WWOX: variants seen among roughly 807,000 people sequenced by gnomAD.
The protein encoded by WWOX is WW domain-containing oxidoreductase.
WWOX carries 69 observed loss-of-function variants against 46.2 expected under a neutral mutation model. That is an observed-to-expected ratio of 1.49 (90% CI 1.23 to 1.82). The LOEUF (loss-of-function observed/expected upper bound fraction) is 1.82. Among genes scored for constraint, WWOX ranks in the 40% most tolerant of loss-of-function variants. WWOX has a pLI of 0.00. For missense variants in WWOX, 919 were observed against 542.6 expected (o/e 1.69, Z -6.89); for synonymous variants, 359 against 202.6 (o/e 1.77, Z -6.56).
chr16:78,910,470 G>C (rs1319821855), intron 8 of WWOX, among the ~76,000 whole-genome samples: 2 of 150,946 alleles, frequency 1.3e-5, no homozygotes, highest in African/African-American at 4.9e-5. Context: ...AGAACAGTGT[G>C]GTGTTTCATG....
chr16:78,305,709 T>C (rs1256253270), intron 5 of WWOX, among the ~76,000 whole-genome samples: 1 of 152,060 alleles, frequency 6.6e-6, no homozygotes, highest in African/African-American at 2.4e-5. Context: ...CACCCACCAC[T>C]TGGGTACCAC....
At chr16:79,144,065 G>C (rs1350350513) in intron 8 of WWOX, among the ~76,000 whole-genome samples, 1 of 152,082 alleles carries the variant, frequency 6.6e-6, no homozygotes, top group East Asian at 1.9e-4. Context: ...ACCCAGCTAA[G>C]TTTATTATTT....
intron 8 of WWOX, among the ~76,000 whole-genome samples, chr16:78,847,258 T>A (rs1437523256): frequency 6.6e-6 from 1 of 152,200 alleles, no homozygotes; most frequent in African/African-American, 2.4e-5. Flanking sequence ...CTCAACAGAG[T>A]TTAGAAATAT....
chr16:78,824,513 C>T (rs918785861), intron 8 of WWOX, among the ~76,000 whole-genome samples: 9 of 152,152 alleles, frequency 5.9e-5, no homozygotes, highest in South Asian at 2.1e-4. Flanking sequence ...TTGTTTTTCA[C>T]GCTGCTGATA....
intron 8 of WWOX, among the ~76,000 whole-genome samples, chr16:78,655,343 T>G (rs2047056710): frequency 6.6e-6 from 1 of 152,184 alleles, no homozygotes; most frequent in Non-Finnish European, 1.5e-5. Flanking sequence ...TCTGAGAACT[T>G]GATATAATAA....
intron 8 of WWOX, among the ~76,000 whole-genome samples, chr16:78,711,033 C>T (rs1432679968): frequency 6.6e-6 from 1 of 152,132 alleles, no homozygotes; most frequent in Non-Finnish European, 1.5e-5. Flanking sequence ...ATTTCAGGAC[C>T]TAACCAACAC....
intron 8 of WWOX, among the ~76,000 whole-genome samples, chr16:79,104,464 GT>G (rs1162320954): frequency 6.6e-6 from 1 of 152,046 alleles, no homozygotes; most frequent in Admixed American, 6.6e-5. Flanking sequence ...TATCATATTT[GT>G]AAAACAAATA....
At chr16:79,134,003 G>A (rs539479141) in intron 8 of WWOX, among the ~76,000 whole-genome samples, 5 of 152,250 alleles carry the variant, frequency 3.3e-5, no homozygotes, top group South Asian at 2.1e-4. Flanking sequence ...ATCTCATGCT[G>A]GACTATCTAA....
At chr16:79,177,243 G>A (rs950274856) in intron 8 of WWOX, among the ~76,000 whole-genome samples, 3 of 152,162 alleles carry the variant, frequency 2.0e-5, no homozygotes, top group African/African-American at 4.8e-5. Flanking sequence ...CGCGAGTGCC[G>A]TTGTGGCCGA....
At chr16:78,569,284 A>G (rs12449050) in intron 8 of WWOX, among the ~76,000 whole-genome samples, 3,664 of 152,304 alleles carry the variant, frequency 0.024, 62 homozygotes, top group African/African-American at 0.043. Flanking sequence ...ATGCATTTTC[A>G]TTGAATCAAG....
intron 5 of WWOX, among the ~76,000 whole-genome samples, chr16:78,189,501 A>T (rs1260563389): frequency 3.3e-5 from 5 of 152,214 alleles, no homozygotes; most frequent in Non-Finnish European, 7.3e-5. Flanking sequence ...AACTGAAGAC[A>T]GTTTTAAGTG....
At chr16:78,438,577 C>A (rs1309774185) in intron 8 of WWOX, among the ~76,000 whole-genome samples, 1 of 152,018 alleles carries the variant, frequency 6.6e-6, no homozygotes, top group Non-Finnish European at 1.5e-5. Context: ...CTGTCACTTG[C>A]CTCTTAGGAG....
At chr16:78,964,288 T>A (rs183609536) in intron 8 of WWOX, among the ~76,000 whole-genome samples, 74 of 152,314 alleles carry the variant, frequency 4.9e-4, no homozygotes, top group Non-Finnish European at 9.1e-4. Context: ...GTTGAATGGC[T>A]TTGCCCAAAA....
chr16:78,387,750 G>A (rs1196771409), intron 6 of WWOX, among the ~76,000 whole-genome samples: 1 of 151,916 alleles, frequency 6.6e-6, no homozygotes, highest in Non-Finnish European at 1.5e-5. Flanking sequence ...TGAACATAGA[G>A]GTTTGAATTT....
intron 8 of WWOX, among the ~76,000 whole-genome samples, chr16:78,681,426 T>A (rs2047726530): frequency 6.6e-6 from 1 of 151,922 alleles, no homozygotes; most frequent in African/African-American, 2.4e-5. Flanking sequence ...CAAAGGTCAA[T>A]TTTTTTTCCA....
At chr16:78,860,408 C>T (rs1025029512) in intron 8 of WWOX, among the ~76,000 whole-genome samples, 9 of 152,080 alleles carry the variant, frequency 5.9e-5, no homozygotes, top group Non-Finnish European at 1.0e-4. Context: ...TCACATAAGA[C>T]CTAGTATATA....
intron 8 of WWOX, among the ~76,000 whole-genome samples, chr16:78,731,253 C>G (rs1407741247): frequency 6.6e-6 from 1 of 152,020 alleles, no homozygotes; most frequent in Non-Finnish European, 1.5e-5. Flanking sequence ...TGTGATGTGT[C>G]CAAGGTTAGA....
intron 8 of WWOX, among the ~76,000 whole-genome samples, chr16:78,829,086 A>AGACGGATG (rs2051740232): frequency 6.8e-6 from 1 of 147,604 alleles, no homozygotes; most frequent in South Asian, 2.2e-4. Flanking sequence ...TCCATCTGGA[A>AGACGGATG]GATGGATGGA....
At chr16:78,785,657 C>G (rs1029141231) in intron 8 of WWOX, among the ~76,000 whole-genome samples, 1 of 152,182 alleles carries the variant, frequency 6.6e-6, no homozygotes, top group Non-Finnish European at 1.5e-5. Flanking sequence ...ATATCCATTA[C>G]AAAACCATTG....
Sources: gnomAD v4.1 joint callset for allele counts (sites outside exome capture counted in the v4.1 genomes callset) on GRCh38, gnomAD v4.1.1 for gene constraint, MANE v1.5 for transcripts, NCBI Gene and HGNC (gene_info 2026-07-23, HGNC 2026-07-21) for gene names.